DCTN4: variants seen among roughly 807,000 people sequenced by gnomAD.
DCTN4 encodes the protein dynactin subunit 4.
DCTN4 carries 23 observed loss-of-function variants against 62.7 expected under a neutral mutation model. The ratio of observed to expected loss-of-function variants is 0.37; its 90% CI spans 0.26 to 0.52. The LOEUF (loss-of-function observed/expected upper bound fraction) is 0.52. DCTN4 is among the 20% of genes least tolerant of loss of function. The probability of loss-of-function intolerance (pLI) is 0.92; values close to 1 mark genes in which losing one functional copy is unlikely to be tolerated. For synonymous variants in DCTN4, 199 were observed against 202.1 expected, an observed-to-expected ratio of 0.98 and a Z score of 0.13; for missense variants, 514 against 580.4, an observed-to-expected ratio of 0.89 and a Z score of 1.18.
At chr5:150,722,529 A>C (rs1047418922) in intron 9 of DCTN4, among the ~76,000 whole-genome samples, 2 of 152,236 alleles carry the variant, frequency 1.3e-5, no homozygotes, top group Admixed American at 1.3e-4. Flanking sequence ...AAGTAAAATG[A>C]ACACTGTTAC....
At chr5:150,720,541 C>T (rs531981453) in intron 9 of DCTN4, among the ~76,000 whole-genome samples, 92 of 150,490 alleles carry the variant, frequency 6.1e-4, no homozygotes, top group Non-Finnish European at 8.6e-4. Context: ...TGTAACGGCA[C>T]AATCATGACT....
intron 4 of DCTN4, among the ~76,000 whole-genome samples, chr5:150,737,037 A>C (rs1760607715): frequency 6.6e-6 from 1 of 152,256 alleles, no homozygotes; most frequent in Non-Finnish European, 1.5e-5. Flanking sequence ...TTATATAATG[A>C]TAAAAGGACT....
At chr5:150,758,097 C>A (rs763591086) in intron 1 of DCTN4, 3 of 985,526 alleles carry the variant, frequency 3.0e-6, no homozygotes, top group Non-Finnish European at 3.6e-6. Flanking sequence ...TTAAACAGCG[C>A]ATTTTATGTC....
chr5:150,752,657 C>A (rs1752718634), intron 3 of DCTN4, among the ~76,000 whole-genome samples: 1 of 152,172 alleles, frequency 6.6e-6, no homozygotes, highest in South Asian at 2.1e-4. Flanking sequence ...TTTGCATTTA[C>A]ATGACTACTA....
intron 12 of DCTN4, among the ~76,000 whole-genome samples, chr5:150,714,434 A>G (rs920913784): frequency 2.0e-5 from 3 of 148,260 alleles, no homozygotes; most frequent in African/African-American, 7.9e-5. Flanking sequence ...GCTGGAGTAC[A>G]GTCACAATCA....
In DCTN4 at chr5:150,753,436, T is replaced by G. The variant is rs773825972; in HGVS notation, c.385+43A>C. 7 of 1,575,594 alleles carry G rather than the reference T, an allele frequency of 4.4e-6. No individual in the cohort carries two copies. In the African/African-American group the frequency reaches 9.4e-5, roughly 21 times the overall value. ...AATAATCTATGGGCAATTATAGCAC[T>G]GTCAATTGTACAAAATTTCATATTG... On this transcript the variant is annotated intron_variant, in intron 3 of 12. Transcript: ENST00000447998.
In DCTN4 at chr5:150,733,481, A is replaced by G; in HGVS notation, c.430-6T>C. ...TATTCAATCAATTTGTTCATCTGTA[A>G]GAAAATCACAGACTCAGTACACAAA... On this transcript the variant is annotated splice_polypyrimidine_tract_variant and splice_region_variant and intron_variant, in intron 4 of 12. Coordinates refer to ENST00000447998, the MANE Select transcript of DCTN4 (RefSeq NM_016221.4). 6.2e-7 allele frequency: 1 copy of G among 1,604,954 alleles called. No individual in the cohort carries two copies. The highest frequency in any genetic ancestry group is 1.3e-5 in the African/African-American group (1 of 74,888).
chr5:150,737,865 A>G (rs983126717), intron 4 of DCTN4, among the ~76,000 whole-genome samples: 6 of 152,118 alleles, frequency 3.9e-5, no homozygotes, highest in African/African-American at 1.4e-4. Context: ...AAATTGATAG[A>G]ATGTGAGATT....
rs888556716 is a variant in DCTN4, at chr5:150,709,642, T to C, written c.*1507A>G. 11 of 152,396 alleles carry C rather than the reference T, an allele frequency of 7.2e-5. No homozygotes were observed. Among genetic ancestry groups the C allele is most frequent in the African/African-American group, 2.7e-4 (11 of 41,470 alleles). 9.4% of individuals were successfully genotyped at this position (152,396 alleles called of 1,614,324 possible). A position where few individuals can be genotyped will look rare whatever the true frequency, so the allele number is the denominator to read the frequency against. On this transcript the variant is annotated 3_prime_UTR_variant, in exon 13 of 13. Transcript: ENST00000447998. ...TACTCTGTAGGACTGTTTCATAAAA[T>C]TGGCTTGACCTTTGTACAATTAGTA...
At chr5:150,731,833 TG>T in intron 5 of DCTN4, 1 of 1,492,512 alleles carries the variant, frequency 6.7e-7, no homozygotes, top group Non-Finnish European at 9.1e-7. Flanking sequence ...GGAACACCAG[TG>T]GTCATCTGCT....
chr5:150,748,702 C>A (rs1176717525), intron 3 of DCTN4, among the ~76,000 whole-genome samples: 15 of 148,476 alleles, frequency 1.0e-4, no homozygotes, highest in Non-Finnish European at 2.1e-4. Flanking sequence ...AAACCAAACA[C>A]CGCATGTTCT....
Position 150,733,458 on chromosome 5 carries a change from T to G in DCTN4, c.447A>C (p.Glu149Asp). The G allele has an allele frequency of 1.9e-6, 3 of 1,613,616 alleles. No homozygotes were observed. Among genetic ancestry groups the G allele is most frequent in the East Asian group, 4.5e-5 (2 of 44,878 alleles). Residue 149 changes from glutamate (E) to aspartate (D), a missense_variant, in exon 5 of 13, where the codon GAA becomes GAC. By Grantham distance (45) the Glu-to-Asp change is conservative. Transcript: ENST00000447998. ...PHTQRMNKLI[E>D]YYQQLAQKEK... Reference sequence around the variant, plus strand: ...CTTTCTGAGCAAGCTGCTGGTAATATTCAATCAATTTGTTCATCTGTAAGA... The same window carrying G: ...CTTTCTGAGCAAGCTGCTGGTAATAGTCAATCAATTTGTTCATCTGTAAGA...
chr5:150,713,703 C>T (rs568376743), intron 12 of DCTN4, among the ~76,000 whole-genome samples: 43 of 152,012 alleles, frequency 2.8e-4, no homozygotes, highest in African/African-American at 1.0e-3. Flanking sequence ...CTCAGCCTCC[C>T]AAAGTGCTGG....
intron 8 of DCTN4, among the ~76,000 whole-genome samples, chr5:150,724,330 A>G (rs868749007): frequency 7.2e-5 from 11 of 152,120 alleles, no homozygotes; most frequent in African/African-American, 2.4e-4. Flanking sequence ...CGATTTGCTG[A>G]TATTAACAAT....
In DCTN4 at chr5:150,733,465, A is replaced by G; in HGVS notation, c.440T>C (p.Leu147Ser). 1 of 1,613,084 alleles carries G rather than the reference A, an allele frequency of 6.2e-7. No homozygotes were observed. The highest frequency in any genetic ancestry group is 1.1e-5 in the South Asian group (1 of 90,820). ...AGCAAGCTGCTGGTAATATTCAATC[A>G]ATTTGTTCATCTGTAAGAAAATCAC... ...ENPHTQRMNK[L>S]IEYYQQLAQK... Residue 147 changes from leucine to serine, a missense_variant, in exon 5 of 13, where the codon TTG becomes TCG. Leu to Ser is a moderately radical substitution (Grantham distance 145). Coordinates refer to ENST00000447998, the MANE Select transcript of DCTN4 (RefSeq NM_016221.4).
intron 3 of DCTN4, among the ~76,000 whole-genome samples, chr5:150,749,281 A>G (rs1451748111): frequency 6.6e-6 from 1 of 152,234 alleles, no homozygotes; most frequent in Non-Finnish European, 1.5e-5. Flanking sequence ...AAACAAACCA[A>G]CAACAACAAA....
rs769014752 is a variant in DCTN4 at position 150,731,873 on chromosome 5, A to C, written c.538-384T>G. On this transcript the variant is annotated intron_variant, in intron 5 of 12. Transcript: ENST00000447998. ...TTCTTCAGGGTCAGCAAGAATCATA[A>C]AGGAGAACTTACCACTACATGAATA... The C allele has an allele frequency of 2.6e-6, 4 of 1,551,574 alleles. No individual in the cohort carries two copies. The Middle Eastern group carries it at 6.7e-4, about 259-fold the overall frequency.
At chr5:150,758,583 T>G in intron 1 of DCTN4, 18 of 1,178,206 alleles carry the variant, frequency 1.5e-5, no homozygotes, top group Non-Finnish European at 1.9e-5. Context: ...TCCACCCAAT[T>G]ACCAAGCCCC....
At chr5:150,714,182 G>C (rs1250519220) in intron 12 of DCTN4, among the ~76,000 whole-genome samples, 1 of 152,118 alleles carries the variant, frequency 6.6e-6, no homozygotes, top group Non-Finnish European at 1.5e-5. Flanking sequence ...TCAGCTCCAA[G>C]CGCACCTCTC....
Sources: gnomAD v4.1 joint callset for allele counts (sites outside exome capture counted in the v4.1 genomes callset) on GRCh38, gnomAD v4.1.1 for gene constraint, MANE v1.5 for transcripts, NCBI Gene and HGNC (gene_info 2026-07-23, HGNC 2026-07-21) for gene names.